Variants in CPLX2 observed in about 807,000 individuals in gnomAD.
The protein encoded by CPLX2 is complexin 2.
In CPLX2, 5 loss-of-function variants were observed where a neutral mutation model predicts 16.3. That is an observed-to-expected ratio of 0.31 (90% confidence interval 0.16 to 0.64). The LOEUF is 0.64. Among genes scored for constraint, CPLX2 ranks in the 30% least tolerant of loss-of-function variants. The pLI is 0.79. For synonymous variants in CPLX2, 89 were observed against 73.2 expected, an observed-to-expected ratio of 1.22 and a Z score of -1.10; for missense variants, 144 against 181.4, an observed-to-expected ratio of 0.79 and a Z score of 1.18.
At position 175,804,251 on chromosome 5, in the gene CPLX2, G is replaced by A. The variant is rs146658842; in HGVS notation, c.-168-4738G>A. ...TGCTTAACTGCAGGGACACTGCCTG[G>A]GCCAAGCACTGTTCCCACTAGGAGC... is the stretch of plus-strand genomic sequence containing the variant. On this transcript the variant is annotated intron_variant, in intron 1 of 4. Transcript: ENST00000359546. Among the ~76,000 whole-genome samples, 825 of 152,260 alleles carry A rather than the reference G, an allele frequency of 5.4e-3. 3 individuals carry two copies. The highest frequency in any genetic ancestry group is 9.2e-3 in the Admixed American group (140 of 15,298).
intron 2 of CPLX2, among the ~76,000 whole-genome samples, chr5:175,862,908 C>T (rs1561787221): frequency 6.6e-6 from 1 of 152,122 alleles, no homozygotes; most frequent in African/African-American, 2.4e-5. Context: ...TGATGCCACA[C>T]GAGGAAGGAG....
chr5:175,864,913 T>C (rs886630568), intron 2 of CPLX2, among the ~76,000 whole-genome samples: 1 of 152,206 alleles, frequency 6.6e-6, no homozygotes, highest in African/African-American at 2.4e-5. Context: ...TATGTGACCT[T>C]GAGAAAGTCC....
chr5:175,820,641 C>A (rs1257640020), intron 2 of CPLX2, among the ~76,000 whole-genome samples: 1 of 152,154 alleles, frequency 6.6e-6, no homozygotes, highest in African/African-American at 2.4e-5. Flanking sequence ...TCAACGCCAC[C>A]TCCAAGCAGC....
upstream of CPLX2, chr5:175,871,458 A>G (rs137893240): frequency 0.081 from 6,369 of 79,066 alleles, 30 homozygotes; most frequent in East Asian, 0.2. Context: ...AGAGAGAGAG[A>G]GAGAGAGAGA....
chr5:175,798,815 C>T (rs749390032), intron 1 of CPLX2, among the ~76,000 whole-genome samples: 11 of 152,114 alleles, frequency 7.2e-5, no homozygotes, highest in Non-Finnish European at 1.2e-4. Context: ...TCACACACAC[C>T]CACATCCACT....
chr5:175,849,304 GCTCT>G lies in CPLX2; in HGVS notation c.-88-29345_-88-29342del, dbSNP rs1362198387. On this transcript the variant is annotated intron_variant, in intron 2 of 4. Coordinates refer to the CPLX2 transcript ENST00000359546. The surrounding 1 kb of genome is among the most constrained non-coding windows in gnomAD (Gnocchi z 4.4). ...CCCTTGGGTGAGGACAGGGTAGTGT[GCTCT>G]CTGATTCCAAAGGGACACCTGATGG... Among the ~76,000 whole-genome samples, 3 of 152,302 alleles carry G rather than the reference GCTCT, an allele frequency of 2.0e-5. No homozygotes were observed. Among genetic ancestry groups the G allele is most frequent in the African/African-American group, 7.2e-5 (3 of 41,566 alleles).
rs1370990986 is a variant in CPLX2, at chr5:175,830,326, G to C, written c.-89+21258G>C. On this transcript the variant is annotated intron_variant, in intron 2 of 4. Coordinates refer to the CPLX2 transcript ENST00000359546. The surrounding 1 kb of genome is among the most constrained non-coding windows in gnomAD (Gnocchi z 4.0). ...AAGAGATGATTAGCCCCATTTTTCA[G>C]CTGAAATCATTGATGCTCAGACATG... 6.6e-6 allele frequency among the ~76,000 whole-genome samples: 1 copy of C among 152,198 alleles called. No homozygotes were observed. Among genetic ancestry groups the C allele is most frequent in the Non-Finnish European group, 1.5e-5 (1 of 68,036 alleles).
chr5:175,827,991 G>C (rs984332623), intron 2 of CPLX2, among the ~76,000 whole-genome samples: 2 of 152,130 alleles, frequency 1.3e-5, no homozygotes, highest in African/African-American at 4.8e-5. Context: ...TAATTTAGTA[G>C]AGTCAGACTT....
rs545228293 is a variant in CPLX2, at chr5:175,883,687, T to G, written c.*3642T>G. On this transcript the variant is annotated 3_prime_UTR_variant, in exon 4 of 4. Coordinates refer to ENST00000393745, the MANE Select transcript of CPLX2 (RefSeq NM_001008220.2). Reference sequence around the variant, plus strand: ...GACATGCCTCCCACCAAATGTCCCCTGCTCCAGTCCCACTCCTGTCACCCC... The same window carrying G: ...GACATGCCTCCCACCAAATGTCCCCGGCTCCAGTCCCACTCCTGTCACCCC... 1 of 152,598 alleles carries G rather than the reference T, an allele frequency of 6.6e-6. No individual in the cohort carries two copies. Among genetic ancestry groups the G allele is most frequent in the East Asian group, 1.9e-4 (1 of 5,162 alleles). 9.5% of individuals were successfully genotyped at this position (152,598 alleles called of 1,614,324 possible).
rs1021028236 is a variant in CPLX2 at position 175,830,008 on chromosome 5, G to A, written c.-89+20940G>A. On this transcript the variant is annotated intron_variant, in intron 2 of 4. Coordinates refer to the CPLX2 transcript ENST00000359546. This position sits in a 1 kb window ranked among gnomAD's most constrained non-coding sequence, Gnocchi z 4.0. ...AGAGCCGCTGAACCTTCTGCTGTTG[G>A]TGGAAGCCAGTCACAGGTCACTGCC... Among the ~76,000 whole-genome samples, 2 of 152,306 alleles carry A rather than the reference G, an allele frequency of 1.3e-5. No individual in the cohort carries two copies. The highest frequency in any genetic ancestry group is 4.8e-5 in the African/African-American group (2 of 41,572).
intron 2 of CPLX2, among the ~76,000 whole-genome samples, chr5:175,818,733 T>C (rs1179745538): frequency 7.1e-6 from 1 of 141,134 alleles, no homozygotes; most frequent in African/African-American, 2.6e-5. Flanking sequence ...GCGATCTCGG[T>C]TCACTGCAAC....
In CPLX2 at chr5:175,849,688, G is replaced by T. The variant is rs1264348322; in HGVS notation, c.-88-28964G>T. Among the ~76,000 whole-genome samples the T allele has an allele frequency of 1.3e-5, 2 of 152,052 alleles. No homozygotes were observed. The highest frequency in any genetic ancestry group is 4.8e-5 in the African/African-American group (2 of 41,392). On this transcript the variant is annotated intron_variant, in intron 2 of 4. Coordinates refer to the CPLX2 transcript ENST00000359546. The surrounding 1 kb of genome is among the most constrained non-coding windows in gnomAD (Gnocchi z 4.4). ...GTTGGGGTCATCATGGGAGAAGCCG[G>T]GCTTTGGAGCTGGACTCACCTGAGC...
intron 2 of CPLX2, among the ~76,000 whole-genome samples, chr5:175,839,430 C>A (rs1416651658): frequency 6.6e-6 from 1 of 152,056 alleles, no homozygotes; most frequent in South Asian, 2.1e-4. Flanking sequence ...GGATTACGGG[C>A]ATGCACCACC....
At chr5:175,843,104 G>A (rs1328184786) in intron 2 of CPLX2, among the ~76,000 whole-genome samples, 2 of 152,188 alleles carry the variant, frequency 1.3e-5, no homozygotes, top group Non-Finnish European at 2.9e-5. Context: ...CAGGGTCAGC[G>A]GGTAGGGGAG....
At chr5:175,818,150 A>G (rs958020551) in intron 2 of CPLX2, among the ~76,000 whole-genome samples, 3 of 152,150 alleles carry the variant, frequency 2.0e-5, no homozygotes, top group African/African-American at 7.2e-5. Context: ...AGGAAAGTTC[A>G]ATGGGGGCTG....
intron 1 of CPLX2, among the ~76,000 whole-genome samples, chr5:175,797,229 A>AG (rs1477988310): frequency 6.6e-6 from 1 of 152,078 alleles, no homozygotes; most frequent in East Asian, 1.9e-4. Flanking sequence ...CAGCGCGCCT[A>AG]GGGGTGGCGT....
In CPLX2 at chr5:175,880,261, G is replaced by A. The variant is rs1441366821; in HGVS notation, c.*216G>A. On this transcript the variant is annotated 3_prime_UTR_variant, in exon 4 of 4. Transcript: ENST00000393745. Reference sequence around the variant, plus strand: ...CCCCACTCCCAAGTAGCTTGAAAAAGGGAGGACAGTCTTTCCCCAGCAGGG... The same window carrying A: ...CCCCACTCCCAAGTAGCTTGAAAAAAGGAGGACAGTCTTTCCCCAGCAGGG... 9.0e-6 allele frequency: 6 copies of A among 668,956 alleles called. No individual in the cohort carries two copies. Among genetic ancestry groups the A allele is most frequent in the Non-Finnish European group, 1.6e-5 (6 of 364,798 alleles). The allele number at this position is 668,956 out of a possible 1,614,324, so 41.4% of individuals were successfully genotyped here.
chr5:175,825,937 C>CAAAAAAAAAA (rs35250246), intron 2 of CPLX2, among the ~76,000 whole-genome samples: 7 of 44,414 alleles, frequency 1.6e-4, no homozygotes, highest in Admixed American at 3.5e-4. Flanking sequence ...TGAATAAGTG[C>CAAAAAAAAAA]AAAAAAAAAA....
chr5:175,807,535 G>A (rs1448444323), intron 1 of CPLX2, among the ~76,000 whole-genome samples: 1 of 152,236 alleles, frequency 6.6e-6, no homozygotes, highest in African/African-American at 2.4e-5. Context: ...TCCCCAGCAA[G>A]CTGGAAACAG....
Sources: allele counts gnomAD v4.1 joint callset (sites outside exome capture counted in the v4.1 genomes callset), GRCh38; gene constraint gnomAD v4.1.1; non-coding constraint Gnocchi (gnomAD v3.1); transcripts MANE v1.5; gene names NCBI Gene and HGNC (gene_info 2026-07-23, HGNC 2026-07-21).